BUD13: variants seen among roughly 807,000 people sequenced by gnomAD.
The protein encoded by BUD13 is BUD13 spliceosome associated protein, also known as BUD13 homolog.
BUD13 carries 47 observed loss-of-function variants against 62.5 expected under a neutral mutation model. The observed-to-expected ratio is 0.75, with a 90% confidence interval of 0.60 to 0.96. The LOEUF (loss-of-function observed/expected upper bound fraction) is 0.96, where lower values mean the gene tolerates loss of function less well. Ranked by LOEUF, BUD13 falls within the 40% of genes least tolerant of loss-of-function variation. BUD13 has a pLI of 0.00. For missense variants in BUD13, 821 were observed against 790.9 expected (o/e 1.04, Z -0.46); for synonymous variants, 293 against 280.1 (o/e 1.05, Z -0.46).
At chr11:116,764,733 A>C (rs942426234) in intron 3 of BUD13, among the ~76,000 whole-genome samples, 1 of 152,236 alleles carries the variant, frequency 6.6e-6, no homozygotes, top group Non-Finnish European at 1.5e-5. Flanking sequence ...AGATAGGGGA[A>C]TATCATGGCA....
chr11:116,765,552 C>A, intron 2 of BUD13, 106 bp from the exon 3 acceptor site: 1 of 1,166,610 alleles, frequency 8.6e-7, no homozygotes, highest in Non-Finnish European at 1.3e-6. Flanking sequence ...AACACAAGGG[C>A]GTACATATAT....
intron 4 of BUD13, 137 bp from the exon 5 acceptor site, chr11:116,761,089 A>C: frequency 3.1e-6 from 2 of 651,734 alleles, no homozygotes; most frequent in South Asian, 4.4e-5. Flanking sequence ...TTTTTGAGAC[A>C]GTCTCAGGCT....
chr11:116,769,736 T>C (rs1330985199), intron 2 of BUD13, among the ~76,000 whole-genome samples: 1 of 152,102 alleles, frequency 6.6e-6, no homozygotes, highest in South Asian at 2.1e-4. Flanking sequence ...CCTACAAATC[T>C]ACCCTAAGCT....
rs903586401 is a variant in BUD13, at chr11:116,763,225, C to T, written c.364G>A (p.Asp122Asn). 6 of 1,553,350 alleles carry T rather than the reference C, an allele frequency of 3.9e-6. No individual in the cohort carries two copies. The highest frequency in any genetic ancestry group is 2.3e-5 in the East Asian group (1 of 44,304). The change falls in exon 4 of 10, where the codon GAT becomes AAT. Residue 122 changes from aspartate to asparagine, a missense_variant. Asp to Asn is a conservative substitution (Grantham distance 23, BLOSUM62 1). This residue lies in a region of BUD13 where 800 missense variants were observed against 739.2 expected (regional missense o/e 1.08). Transcript: ENST00000260210. ...CTCCTAGGAGATGAATCCGGGGTATCGTGACGAAAATGTCTGTTTGAGGGT... is the reference window on the plus strand; with the variant it reads ...CTCCTAGGAGATGAATCCGGGGTATTGTGACGAAAATGTCTGTTTGAGGGT... Reference protein sequence around the residue: ...DLPSNRHFRHDTPDSSPRRVR... With the variant: ...DLPSNRHFRHNTPDSSPRRVR...
At position 116,762,551 on chromosome 11, in the gene BUD13, AC is replaced by A; in HGVS notation, c.1036+1del. The A allele has an allele frequency of 1.2e-6, 2 of 1,600,948 alleles. No homozygotes were observed. The highest frequency in any genetic ancestry group is 1.7e-6 in the Non-Finnish European group (2 of 1,172,838). On this transcript the variant is annotated splice_donor_variant, in intron 4 of 9. Coordinates refer to ENST00000260210, the MANE Select transcript of BUD13 (RefSeq NM_032725.4). LOFTEE classifies it high-confidence loss of function. ...CCCTCTCATGGACAGTCATATGCTC[AC>A]CTTTGGAATCAAGCTGCTTCTTGTC...
chr11:116,768,362 GAGT>G (rs1362123965), intron 2 of BUD13, among the ~76,000 whole-genome samples: 11 of 151,982 alleles, frequency 7.2e-5, no homozygotes, highest in Non-Finnish European at 1.5e-4. Flanking sequence ...TTTAGCAGAG[GAGT>G]AGACTCCAAA....
At chr11:116,758,754 G>GT (rs919535759) in intron 6 of BUD13, among the ~76,000 whole-genome samples, 16 of 150,574 alleles carry the variant, frequency 1.1e-4, no homozygotes, top group Admixed American at 2.7e-4. Flanking sequence ...TGCCTGGCTA[G>GT]TTTTTTTTTG....
chr11:116,763,097 G>C lies in BUD13; in HGVS notation c.492C>G (p.Pro164=). Residue 164 remains proline (P), a synonymous_variant, in exon 4 of 10, where the codon CCC becomes CCG. Transcript: ENST00000260210. ...CTGAGTCATGACGAGCCCCTCTGAGGGGAGAAGGATCCGGGGTGTCATGAC... is the reference window on the plus strand; with the variant it reads ...CTGAGTCATGACGAGCCCCTCTGAGCGGAGAAGGATCCGGGGTGTCATGAC... ...RARHDTPDPS[P]LRGARHDSDT... 1 of 1,577,760 alleles carries C rather than the reference G, an allele frequency of 6.3e-7. No homozygotes were observed. The highest frequency in any genetic ancestry group is 8.6e-7 in the Non-Finnish European group (1 of 1,156,604).
intron 2 of BUD13, among the ~76,000 whole-genome samples, chr11:116,767,446 A>G (rs895480007): frequency 1.3e-5 from 2 of 151,550 alleles, no homozygotes; most frequent in Non-Finnish European, 2.9e-5. Flanking sequence ...ACAAAAAATT[A>G]GCCAGGCATG....
Position 116,752,101 on chromosome 11 carries a change from G to A in BUD13, c.1767-3526C>T, listed in dbSNP as rs557479697. ...TGGGACTACAGGCGCCCGCCACCAC[G>A]CCCAGCTAATTTTTTGTATTTTTTT... On this transcript the variant is annotated intron_variant, in intron 9 of 9. Coordinates refer to ENST00000260210, the MANE Select transcript of BUD13 (RefSeq NM_032725.4). 5.3e-5 allele frequency among the ~76,000 whole-genome samples: 8 copies of A among 152,076 alleles called. No individual in the cohort carries two copies. In the South Asian group the frequency reaches 1.7e-3, roughly 32 times the overall value.
At chr11:116,758,962 G>T in intron 6 of BUD13, 112 bp downstream of exon 6, 1 of 751,010 alleles carries the variant, frequency 1.3e-6, no homozygotes, top group South Asian at 1.8e-5. Context: ...CATAAAACCA[G>T]AGCTGAAATT....
intron 3 of BUD13, among the ~76,000 whole-genome samples, chr11:116,763,632 G>A (rs1940478791): frequency 6.6e-6 from 1 of 152,062 alleles, no homozygotes; most frequent in Non-Finnish European, 1.5e-5. Context: ...CTAAAATGAA[G>A]ACACAGGCTA....
In BUD13 at chr11:116,772,971, G is replaced by T. The variant is rs904291753; in HGVS notation, c.-7C>A. The T allele has an allele frequency of 1.3e-6, 2 of 1,535,378 alleles. No individual in the cohort carries two copies. Among genetic ancestry groups the T allele is most frequent in the African/African-American group, 1.4e-5 (1 of 70,740 alleles). On this transcript the variant is annotated 5_prime_UTR_variant, in exon 1 of 10. Coordinates refer to ENST00000260210, the MANE Select transcript of BUD13 (RefSeq NM_032725.4). ...GCGGCGGAGCTGCCGCCATGGCAGC[G>T]GCGGGGGCAGAGAGACGGGTCGGCG... is the stretch of plus-strand genomic sequence containing the variant.
In BUD13 at chr11:116,770,216, C is replaced by A. The variant is rs1940599499; in HGVS notation, c.150G>T (p.Arg50=). Reference sequence around the variant, plus strand: ...TCCAGCTCACATCATCATCCACAATCCGCATTCTAAATGAGAATAAGAAGA... The same window carrying A: ...TCCAGCTCACATCATCATCCACAATACGCATTCTAAATGAGAATAAGAAGA... ...KPGGAGGKGM[R]IVDDDVSWTA... The change falls in exon 2 of 10, where the codon CGG becomes CGT. Residue 50 remains arginine, a synonymous_variant. Transcript: ENST00000260210. The A allele has an allele frequency of 6.2e-7, 1 of 1,610,828 alleles. No individual in the cohort carries two copies. Among genetic ancestry groups the A allele is most frequent in the Admixed American group, 1.7e-5 (1 of 59,368 alleles).
At chr11:116,749,540 C>A (rs11216129) in intron 9 of BUD13, among the ~76,000 whole-genome samples, 17,527 of 151,996 alleles carry the variant, frequency 0.12, 1,315 homozygotes, top group South Asian at 0.28. Flanking sequence ...GAATGAGCAA[C>A]AAGAACAAAG....
chr11:116,761,382 A>G (rs1202238927), intron 4 of BUD13, among the ~76,000 whole-genome samples: 1 of 151,726 alleles, frequency 6.6e-6, no homozygotes, highest in East Asian at 1.9e-4. Flanking sequence ...GGAAGAATCT[A>G]AAAAGATAAC....
At position 116,748,711 on chromosome 11, in the gene BUD13, G is replaced by T. The variant is rs183556616; in HGVS notation, c.1767-136C>A. On this transcript the variant is annotated intron_variant, in intron 9 of 9. Coordinates refer to ENST00000260210, the MANE Select transcript of BUD13 (RefSeq NM_032725.4). Reference sequence around the variant, plus strand: ...TATGAAAATATTTTAGGCATGGCCGGGCACGGCGGCTCACGCCTGTAATCC... The same window carrying T: ...TATGAAAATATTTTAGGCATGGCCGTGCACGGCGGCTCACGCCTGTAATCC... The T allele has an allele frequency of 4.7e-4, 430 of 913,660 alleles. No homozygotes were observed. The Middle Eastern group carries it at 5.1e-3, about 11-fold the overall frequency. The allele number at this position is 913,660 out of a possible 1,614,324, so 56.6% of individuals were successfully genotyped here.
chr11:116,758,462 A>G (rs1010289423), intron 6 of BUD13, 55 bp from the exon 7 acceptor site: 1 of 1,590,714 alleles, frequency 6.3e-7, no homozygotes, highest in Non-Finnish European at 8.6e-7. Flanking sequence ...ATAACATTCT[A>G]AGAGATCAAA....
chr11:116,761,104 T>G (rs562310319), intron 4 of BUD13, 152 bp from the exon 5 acceptor site: 124 of 571,410 alleles, frequency 2.2e-4, no homozygotes, highest in African/African-American at 1.7e-3. Flanking sequence ...CAGGCTGGAG[T>G]GCAGTGGCAT....
Sources: allele counts gnomAD v4.1 joint callset (sites outside exome capture counted in the v4.1 genomes callset), GRCh38; gene constraint gnomAD v4.1.1; regional missense constraint gnomAD v4.1.1; transcripts MANE v1.5; gene names NCBI Gene and HGNC (gene_info 2026-07-23, HGNC 2026-07-21).